Variants in TMEM132B observed in about 807,000 individuals in gnomAD.
The protein encoded by TMEM132B is transmembrane protein 132B.
Under a neutral mutation model 90.8 loss-of-function variants are expected in TMEM132B, and 18 were observed. The ratio of observed to expected loss-of-function variants is 0.20; its 90% CI spans 0.14 to 0.29. The LOEUF (loss-of-function observed/expected upper bound fraction) is 0.29. Ranked by LOEUF, TMEM132B falls within the 10% of genes least tolerant of loss-of-function variation. The probability of loss-of-function intolerance (pLI) is 1.00; values close to 1 mark genes in which losing one functional copy is unlikely to be tolerated. For missense variants in TMEM132B, 1,096 were observed against 1,326.8 expected, an observed-to-expected ratio of 0.83 and a Z score of 2.70; for synonymous variants, 504 against 523.3, an observed-to-expected ratio of 0.96 and a Z score of 0.50.
In TMEM132B at chr12:125,652,883, A is replaced by C. The variant is rs575967976; in HGVS notation, c.2106+251A>C. 3.3e-4 allele frequency among the ~76,000 whole-genome samples: 50 copies of C among 152,336 alleles called. 1 individual carries two copies. Among genetic ancestry groups the C allele is most frequent in the African/African-American group, 1.1e-3 (45 of 41,574 alleles). On this transcript the variant is annotated intron_variant, in intron 8 of 8. Transcript: ENST00000682704. ...TTGCTTTCCCCTGGGCTTATCTGTG[A>C]CAGGCACAGCCTGCTGCTAGACCAT...
At chr12:125,249,728 A>T (rs904737056) in intron 1 of TMEM132B, among the ~76,000 whole-genome samples, 1 of 152,220 alleles carries the variant, frequency 6.6e-6, no homozygotes, top group African/African-American at 2.4e-5. Context: ...AGCTATCATC[A>T]AGCACTGGGT....
chr12:125,373,598 C>T (rs1239101475), intron 2 of TMEM132B, among the ~76,000 whole-genome samples: 1 of 152,082 alleles, frequency 6.6e-6, no homozygotes, highest in South Asian at 2.1e-4. Context: ...CGTATGGCAG[C>T]CCCAGCTTCC....
chr12:125,326,665 C>T (rs1376842236), intron 1 of TMEM132B: 3 of 1,607,252 alleles, frequency 1.9e-6, no homozygotes, highest in African/African-American at 1.3e-5. Context: ...CTGCTGTCTG[C>T]ACCGGGGGAG....
At chr12:125,215,572 C>T (rs746975442) in intron 1 of TMEM132B, among the ~76,000 whole-genome samples, 1 of 152,080 alleles carries the variant, frequency 6.6e-6, no homozygotes, top group Non-Finnish European at 1.5e-5. Context: ...GATGGAGTCT[C>T]GCTCTGTTGC....
chr12:125,388,803 CAT>C (rs1294925804), intron 2 of TMEM132B, among the ~76,000 whole-genome samples: 1 of 152,202 alleles, frequency 6.6e-6, no homozygotes, highest in Non-Finnish European at 1.5e-5. Context: ...CTATTGCACA[CAT>C]GTGGATATTG....
At chr12:125,471,097 A>G (rs1344162079) in intron 3 of TMEM132B, among the ~76,000 whole-genome samples, 1 of 152,234 alleles carries the variant, frequency 6.6e-6, no homozygotes, top group Non-Finnish European at 1.5e-5. Context: ...GCTTGCAGCA[A>G]GGATGGAGCC....
rs400577 is a variant in TMEM132B, at chr12:125,415,211, G to C, written c.960-320G>C. Among the ~76,000 whole-genome samples, 27,735 of 151,990 alleles carry C rather than the reference G, an allele frequency of 0.18. 3,095 individuals carry two copies. The highest frequency in any genetic ancestry group is 0.33 in the South Asian group (1,607 of 4,802). On this transcript the variant is annotated intron_variant, in intron 2 of 8. Coordinates refer to ENST00000682704, the MANE Select transcript of TMEM132B (RefSeq NM_001366854.1). The surrounding 1 kb of genome is among the most constrained non-coding windows in gnomAD (Gnocchi z 5.3). ...AGGCCTTGCAGATCCATCTCTTCTG[G>C]CCCGAGGCATCTGTCTCATTTGCAT...
chr12:125,344,145 C>T (rs1309766681), intron 1 of TMEM132B, among the ~76,000 whole-genome samples: 1 of 152,196 alleles, frequency 6.6e-6, no homozygotes, highest in Admixed American at 6.5e-5. Context: ...CAAGGAAAAA[C>T]ACAAAGGCTA....
At chr12:125,592,986 A>T (rs913539264) in intron 5 of TMEM132B, among the ~76,000 whole-genome samples, 2 of 152,230 alleles carry the variant, frequency 1.3e-5, no homozygotes, top group Admixed American at 1.3e-4. Flanking sequence ...TTAGAAGAAC[A>T]TACAGAAAAA....
chr12:125,471,874 C>T (rs1370011683), intron 3 of TMEM132B, among the ~76,000 whole-genome samples: 1 of 152,160 alleles, frequency 6.6e-6, no homozygotes, highest in African/African-American at 2.4e-5. Flanking sequence ...ACAAGGGGTA[C>T]AGGGTAAAGG....
chr12:125,509,310 C>T (rs79342843), intron 3 of TMEM132B, among the ~76,000 whole-genome samples: 90 of 152,290 alleles, frequency 5.9e-4, no homozygotes, highest in Non-Finnish European at 8.1e-4. Flanking sequence ...GGCTTCCTGG[C>T]GCTCTAGTTA....
At chr12:125,287,773 C>G (rs1042652729) in intron 1 of TMEM132B, among the ~76,000 whole-genome samples, 1 of 152,188 alleles carries the variant, frequency 6.6e-6, no homozygotes, top group Non-Finnish European at 1.5e-5. Flanking sequence ...CTAAAAAATA[C>G]TAGGGAACAC....
At chr12:125,232,423 A>G (rs1483733076) in intron 1 of TMEM132B, among the ~76,000 whole-genome samples, 1 of 152,158 alleles carries the variant, frequency 6.6e-6, no homozygotes, top group East Asian at 1.9e-4. Flanking sequence ...TTGAAAAAAA[A>G]TAATTTTTTG....
chr12:125,468,654 A>C (rs1383415776), intron 3 of TMEM132B, among the ~76,000 whole-genome samples: 1 of 152,142 alleles, frequency 6.6e-6, no homozygotes, highest in African/African-American at 2.4e-5. Context: ...TACTGTTTTG[A>C]TTACATATTT....
chr12:125,249,627 G>A (rs1874274458), intron 1 of TMEM132B, among the ~76,000 whole-genome samples: 1 of 152,196 alleles, frequency 6.6e-6, no homozygotes, highest in African/African-American at 2.4e-5. Context: ...AGCTGTCTCT[G>A]ACAGGGGTTC....
At chr12:125,380,709 A>G (rs934810795) in intron 2 of TMEM132B, among the ~76,000 whole-genome samples, 2 of 152,148 alleles carry the variant, frequency 1.3e-5, no homozygotes, top group African/African-American at 4.8e-5. Flanking sequence ...GCTTCAGCTG[A>G]TGGGAGGCAC....
intron 2 of TMEM132B, among the ~76,000 whole-genome samples, chr12:125,365,939 A>G (rs1358345916): frequency 6.6e-6 from 1 of 152,006 alleles, no homozygotes; most frequent in Non-Finnish European, 1.5e-5. Context: ...TCCCTACTCT[A>G]CTATTGAATA....
At chr12:125,523,036 T>C (rs1056868100) in intron 4 of TMEM132B, among the ~76,000 whole-genome samples, 2 of 152,176 alleles carry the variant, frequency 1.3e-5, no homozygotes, top group African/African-American at 4.8e-5. Context: ...CTGGATGTTT[T>C]TTCAGCATGG....
At chr12:125,489,699 G>T (rs1329157354) in intron 3 of TMEM132B, among the ~76,000 whole-genome samples, 1 of 152,094 alleles carries the variant, frequency 6.6e-6, no homozygotes. Context: ...GTCATGATCC[G>T]CCATGCCAGG....
Sources: allele counts gnomAD v4.1 joint callset (sites outside exome capture counted in the v4.1 genomes callset), GRCh38; gene constraint gnomAD v4.1.1; non-coding constraint Gnocchi (gnomAD v3.1); transcripts MANE v1.5; gene names NCBI Gene and HGNC (gene_info 2026-07-23, HGNC 2026-07-21).